The following LCN2 variants were observed in gnomAD, a reference collection of about 807,000 sequenced individuals.
LCN2 encodes the protein neutrophil gelatinase-associated lipocalin.
Under a neutral mutation model 26.4 loss-of-function variants are expected in LCN2, and 27 were observed. That is an observed-to-expected ratio of 1.02 (90% CI 0.76 to 1.41). The LOEUF (loss-of-function observed/expected upper bound fraction) is 1.41, where lower values mean the gene tolerates loss of function less well. LCN2 is among the 40% of genes most tolerant of loss of function. The probability of loss-of-function intolerance (pLI) is 0.00; values close to 1 mark genes in which losing one functional copy is unlikely to be tolerated. For missense variants in LCN2, 224 were observed against 237.6 expected (o/e 0.94, Z 0.38); for synonymous variants, 94 against 98.9 (o/e 0.95, Z 0.30).
At chr9:128,150,693 T>C in intron 2 of LCN2, 1 of 530,628 alleles carries the variant, frequency 1.9e-6, no homozygotes, top group Non-Finnish European at 3.6e-6. Context: ...GAGGTGGCCT[T>C]AAAAGAGCCA....
chr9:128,153,217 G>C lies in LCN2; in HGVS notation c.*7+91G>C. 6.8e-7 allele frequency: 1 copy of C among 1,467,446 alleles called. No homozygotes were observed. 90.9% of individuals were successfully genotyped at this position (1,467,446 alleles called of 1,614,324 possible). On this transcript the variant is annotated intron_variant, in intron 6 of 6. Coordinates refer to ENST00000277480, the MANE Select transcript of LCN2 (RefSeq NM_005564.5). The surrounding 1 kb of genome is among the most constrained non-coding windows in gnomAD (Gnocchi z 5.4). The stretch of plus-strand genomic sequence containing the variant: ...TGGGCCTGCCTTTGCTCATCCCCCT[G>C]CCCCCCAGCACTGCTGCTGTCTTTA...
chr9:128,153,068 C>T lies in LCN2; in HGVS notation c.578-32C>T. The T allele has an allele frequency of 6.2e-7, 1 of 1,613,736 alleles. No homozygotes were observed. Among genetic ancestry groups the T allele is most frequent in the Non-Finnish European group, 8.5e-7 (1 of 1,179,940 alleles). ...CTCATACACGCACACACACACACAGCTGCCTGTTCTGACGGACTTTCTCCC... is the reference window on the plus strand; with the variant it reads ...CTCATACACGCACACACACACACAGTTGCCTGTTCTGACGGACTTTCTCCC... On this transcript the variant is annotated intron_variant, in intron 5 of 6. Coordinates refer to ENST00000277480, the MANE Select transcript of LCN2 (RefSeq NM_005564.5). The surrounding 1 kb of genome is among the most constrained non-coding windows in gnomAD (Gnocchi z 5.4).
Position 128,151,488 on chromosome 9 carries a change from C to T in LCN2, c.276-150C>T, listed in dbSNP as rs557495729. On this transcript the variant is annotated intron_variant, in intron 2 of 6. Coordinates refer to ENST00000277480, the MANE Select transcript of LCN2 (RefSeq NM_005564.5). ...CCCATCTCGGCTGGGTGGGGTAGGGCCCCTCCAGGTAGTGGGGGATGAGCT... is the reference window on the plus strand; with the variant it reads ...CCCATCTCGGCTGGGTGGGGTAGGGTCCCTCCAGGTAGTGGGGGATGAGCT... The T allele has an allele frequency of 9.7e-5, 65 of 670,970 alleles. No homozygotes were observed. The African/African-American group carries it at 1.1e-3, about 11-fold the overall frequency. 41.6% of individuals were successfully genotyped at this position (670,970 alleles called of 1,614,324 possible).
At chr9:128,149,790 C>T (rs1834987476) in intron 1 of LCN2, 127 bp downstream of exon 1, 3 of 1,171,900 alleles carry the variant, frequency 2.6e-6, no homozygotes, top group Non-Finnish European at 2.4e-6. Context: ...CAGGTTTCAG[C>T]TCACTCTGTG....
In LCN2 at chr9:128,152,190, C is replaced by G. The variant is rs757442560; in HGVS notation, c.483C>G (p.Thr161=). 6.2e-7 allele frequency: 1 copy of G among 1,614,110 alleles called. No individual in the cohort carries two copies. Among genetic ancestry groups the G allele is most frequent in the South Asian group, 1.1e-5 (1 of 91,078 alleles). The change falls in exon 5 of 7, where the codon ACC becomes ACG. Residue 161 remains threonine (T), a synonymous_variant. Coordinates refer to ENST00000277480, the MANE Select transcript of LCN2 (RefSeq NM_005564.5). ...TGGCCATCTTGGTCACAGGGAGAAC[C>G]AAGGAGCTGACTTCGGAACTAAAGG... ...EYFKITLYGR[T]KELTSELKEN...
Position 128,150,309 on chromosome 9 carries a change from GATGT to G in LCN2, c.214_217del (p.Tyr72ProfsTer6), listed in dbSNP as rs1834993465. ...TCAGAGAAGACAAAGACCCGCAAAAGATGTATGCCACCATCTATGAGCTGAAAGA... is the reference window on the plus strand; with the variant it reads ...TCAGAGAAGACAAAGACCCGCAAAAGATGCCACCATCTATGAGCTGAAAGA... On this transcript the variant is annotated frameshift_variant, in exon 2 of 7. Coordinates refer to ENST00000277480, the MANE Select transcript of LCN2 (RefSeq NM_005564.5). LOFTEE classifies it high-confidence loss of function. The G allele has an allele frequency of 1.2e-6, 2 of 1,614,076 alleles. No homozygotes were observed. The highest frequency in any genetic ancestry group is 1.3e-5 in the African/African-American group (1 of 74,932).
Position 128,153,012 on chromosome 9 carries a change from G to C in LCN2, c.578-88G>C. On this transcript the variant is annotated intron_variant, in intron 5 of 6. Transcript: ENST00000277480. The surrounding 1 kb of genome is among the most constrained non-coding windows in gnomAD (Gnocchi z 5.4). The stretch of plus-strand genomic sequence containing the variant: ...AGGGGCTGCCCAGGGGCAGTGCAGA[G>C]GACCTGGCAGTCAGGGATCACACAC... The C allele has an allele frequency of 6.3e-7, 1 of 1,598,514 alleles. No homozygotes were observed. The highest frequency in any genetic ancestry group is 1.1e-5 in the South Asian group (1 of 90,670).
At chr9:128,150,054 C>G (rs1343820782) in intron 1 of LCN2, among the ~76,000 whole-genome samples, 184 bp from the exon 2 acceptor site, 1 of 152,142 alleles carries the variant, frequency 6.6e-6, no homozygotes, top group Non-Finnish European at 1.5e-5. Context: ...CCCAGGACTC[C>G]CTTCTGGACT....
intron 4 of LCN2, 73 bp downstream of exon 4, chr9:128,152,098 G>A (rs560335125): frequency 1.2e-6 from 2 of 1,609,652 alleles, no homozygotes; most frequent in South Asian, 1.1e-5. Flanking sequence ...GGTCCCCCAT[G>A]AGGAAGGGAT....
chr9:128,153,384 G>A lies in LCN2; in HGVS notation c.*81G>A. 5.2e-6 allele frequency: 3 copies of A among 575,128 alleles called. No homozygotes were observed. Among genetic ancestry groups the A allele is most frequent in the South Asian group, 3.9e-5 (2 of 50,690 alleles). 35.6% of individuals were successfully genotyped at this position (575,128 alleles called of 1,614,324 possible). On this transcript the variant is annotated 3_prime_UTR_variant, in exon 7 of 7. Coordinates refer to ENST00000277480, the MANE Select transcript of LCN2 (RefSeq NM_005564.5). This position sits in a 1 kb window ranked among gnomAD's most constrained non-coding sequence, Gnocchi z 5.4. The stretch of plus-strand genomic sequence containing the variant: ...AGACCCTCCCCACAGTGCCACCCAT[G>A]CAGCTGCTCCCCAGGCCACCCCGCT...
In LCN2 at chr9:128,153,435, A is replaced by G. The variant is rs1425085099; in HGVS notation, c.*132A>G. ...GATGGAGCCCCACCTTGTCTGCTAA[A>G]TAAACATGTGCCCTCAGGCCTCTGA... On this transcript the variant is annotated 3_prime_UTR_variant, in exon 7 of 7. Coordinates refer to ENST00000277480, the MANE Select transcript of LCN2 (RefSeq NM_005564.5). The surrounding 1 kb of genome is among the most constrained non-coding windows in gnomAD (Gnocchi z 5.4). The G allele has an allele frequency of 2.0e-6, 1 of 500,348 alleles. No individual in the cohort carries two copies. The highest frequency in any genetic ancestry group is 2.0e-5 in the African/African-American group (1 of 51,276). The allele number at this position is 500,348 out of a possible 1,614,324, so 31.0% of individuals were successfully genotyped here.
intron 2 of LCN2, chr9:128,151,358 C>G: frequency 1.8e-6 from 1 of 566,780 alleles, no homozygotes; most frequent in Admixed American, 3.2e-5. Context: ...GGGAGGCAGC[C>G]AAAGGAAAGA....
At position 128,150,537 on chromosome 9, in the gene LCN2, A is replaced by G. The variant is rs1201404255; in HGVS notation, c.275+163A>G. 3 of 865,426 alleles carry G rather than the reference A, an allele frequency of 3.5e-6. No homozygotes were observed. The Admixed American group carries it at 5.7e-5, about 16-fold the overall frequency. The allele number at this position is 865,426 out of a possible 1,614,324, so 53.6% of individuals were successfully genotyped here. A position where few individuals can be genotyped will look rare whatever the true frequency, so the allele number is the denominator to read the frequency against. ...AGAGCAACGTTTATAGCACATTTCCATGCAGACACACAGACAGTGGTGGGG... is the reference window on the plus strand; with the variant it reads ...AGAGCAACGTTTATAGCACATTTCCGTGCAGACACACAGACAGTGGTGGGG... On this transcript the variant is annotated intron_variant, in intron 2 of 6. Coordinates refer to ENST00000277480, the MANE Select transcript of LCN2 (RefSeq NM_005564.5).
chr9:128,151,042 C>T (rs941110964), intron 2 of LCN2, among the ~76,000 whole-genome samples: 1 of 152,132 alleles, frequency 6.6e-6, no homozygotes, highest in African/African-American at 2.4e-5. Flanking sequence ...AGGGATCAGC[C>T]GCCCCCAGTG....
rs937379380 is a variant in LCN2 at position 128,153,414 on chromosome 9, G to T, written c.*111G>T. The T allele has an allele frequency of 1.8e-6, 1 of 544,298 alleles. No individual in the cohort carries two copies. Among genetic ancestry groups the T allele is most frequent in the Non-Finnish European group, 3.3e-6 (1 of 299,866 alleles). 33.7% of individuals were successfully genotyped at this position (544,298 alleles called of 1,614,324 possible). On this transcript the variant is annotated 3_prime_UTR_variant, in exon 7 of 7. Transcript: ENST00000277480. The surrounding 1 kb of genome is among the most constrained non-coding windows in gnomAD (Gnocchi z 5.4). Reference sequence around the variant, plus strand: ...TGCTCCCCAGGCCACCCCGCTGATGGAGCCCCACCTTGTCTGCTAAATAAA... The same window carrying T: ...TGCTCCCCAGGCCACCCCGCTGATGTAGCCCCACCTTGTCTGCTAAATAAA...
intron 2 of LCN2, among the ~76,000 whole-genome samples, chr9:128,150,793 G>T (rs1424713398): frequency 6.6e-6 from 1 of 152,216 alleles, no homozygotes; most frequent in Non-Finnish European, 1.5e-5. Flanking sequence ...CCATCGCAGG[G>T]TCACCCTGAG....
chr9:128,151,008 C>T (rs1835001381), intron 2 of LCN2, among the ~76,000 whole-genome samples: 2 of 152,152 alleles, frequency 1.3e-5, no homozygotes, highest in South Asian at 2.1e-4. Flanking sequence ...AGAGAACAGG[C>T]GCAGGGTGAA....
chr9:128,150,362 C>A lies in LCN2; in HGVS notation c.263C>A (p.Ser88Tyr), dbSNP rs780332622. 6.2e-6 allele frequency: 10 copies of A among 1,614,204 alleles called. No homozygotes were observed. The highest frequency in any genetic ancestry group is 7.6e-6 in the Non-Finnish European group (9 of 1,180,034). The change falls in exon 2 of 7, where the codon TCC becomes TAC. Residue 88 changes from serine to tyrosine, a missense_variant. Ser to Tyr is a moderately radical substitution (Grantham distance 144, BLOSUM62 -2). Transcript: ENST00000277480. Reference sequence around the variant, plus strand: ...GAAGACAAGAGCTACAATGTCACCTCCGTCCTGTTTAGGTGAGGGCCGACA... The same window carrying A: ...GAAGACAAGAGCTACAATGTCACCTACGTCCTGTTTAGGTGAGGGCCGACA... ...LKEDKSYNVT[S>Y]VLFRKKKCDY...
intron 1 of LCN2, 129 bp downstream of exon 1, chr9:128,149,792 C>A (rs1161665585): frequency 3.7e-6 from 4 of 1,095,136 alleles, no homozygotes; most frequent in African/African-American, 1.6e-5. Context: ...GGTTTCAGCT[C>A]ACTCTGTGCC....
Sources: gnomAD v4.1 joint callset for allele counts (sites outside exome capture counted in the v4.1 genomes callset) on GRCh38, gnomAD v4.1.1 for gene constraint, Gnocchi (gnomAD v3.1) non-coding constraint, MANE v1.5 for transcripts, NCBI Gene and HGNC (gene_info 2026-07-23, HGNC 2026-07-21) for gene names.